The following RABGAP1L variants were observed in gnomAD, a reference collection of about 807,000 sequenced individuals.
RABGAP1L encodes the protein rab GTPase-activating protein 1-like.
Under a neutral mutation model 137.7 loss-of-function variants are expected in RABGAP1L, and 63 were observed. That is an observed-to-expected ratio of 0.46 (90% CI 0.37 to 0.56). The LOEUF (loss-of-function observed/expected upper bound fraction) is 0.56. Among genes scored for constraint, RABGAP1L ranks in the 20% least tolerant of loss-of-function variants. The pLI is 0.00. For missense variants in RABGAP1L, 1,095 were observed against 1,244.0 expected (o/e 0.88, Z 1.80); for synonymous variants, 431 against 433.7 (o/e 0.99, Z 0.08).
At chr1:174,508,006 G>T (rs1661989176) in intron 13 of RABGAP1L, among the ~76,000 whole-genome samples, 1 of 152,006 alleles carries the variant, frequency 6.6e-6, no homozygotes, top group African/African-American at 2.4e-5. Context: ...AGCTTGTTCT[G>T]GTTGATTTTC....
At chr1:174,374,797 C>CTT (rs1265262958) in intron 12 of RABGAP1L, among the ~76,000 whole-genome samples, 1 of 152,092 alleles carries the variant, frequency 6.6e-6, no homozygotes, top group African/African-American at 2.4e-5. Context: ...TGTATGCATG[C>CTT]TTTGTCTTTC....
At chr1:174,767,657 C>A (rs968541873) in intron 18 of RABGAP1L, among the ~76,000 whole-genome samples, 3 of 152,084 alleles carry the variant, frequency 2.0e-5, no homozygotes, top group Non-Finnish European at 2.9e-5. Context: ...ATCTTATAAC[C>A]TGCAACCTTG....
At chr1:174,465,192 G>C (rs749646945) in intron 13 of RABGAP1L, among the ~76,000 whole-genome samples, 5 of 151,982 alleles carry the variant, frequency 3.3e-5, no homozygotes, top group Non-Finnish European at 5.9e-5. Flanking sequence ...CATTCATTCA[G>C]CGAATATTTA....
In RABGAP1L at chr1:174,669,857, T is replaced by G. The variant is rs528290140; in HGVS notation, c.1825-13665T>G. Among the ~76,000 whole-genome samples the G allele has an allele frequency of 1.3e-5, 2 of 152,180 alleles. 1 individual carries two copies. ...GTCTAGCTTTCTGTTTTTATGCCAA[T>G]CCCATGCTGTTTGGGTTACTATAGC... On this transcript the variant is annotated intron_variant, in intron 14 of 25. Coordinates refer to ENST00000681986, the MANE Select transcript of RABGAP1L (RefSeq NM_001366446.1).
intron 15 of RABGAP1L, among the ~76,000 whole-genome samples, chr1:174,687,162 A>G (rs557683692): frequency 1.3e-5 from 2 of 152,266 alleles, no homozygotes; most frequent in South Asian, 2.1e-4. Flanking sequence ...AGAGAAAGAG[A>G]GAGATTCAAA....
intron 13 of RABGAP1L, among the ~76,000 whole-genome samples, chr1:174,422,357 A>T (rs1351348958): frequency 2.0e-5 from 3 of 151,896 alleles, no homozygotes; most frequent in African/African-American, 7.3e-5. Context: ...GATAATAAGG[A>T]TCATCAAGAT....
intron 18 of RABGAP1L, among the ~76,000 whole-genome samples, chr1:174,787,581 G>A (rs1687547394): frequency 6.6e-6 from 1 of 152,088 alleles, no homozygotes; most frequent in South Asian, 2.1e-4. Context: ...GGGCATGAGG[G>A]GTCAAGGTGA....
intron 19 of RABGAP1L, among the ~76,000 whole-genome samples, chr1:174,819,245 GGAGAGAGAGAGATGAGTAAGTACAA>G (rs1221411477): frequency 6.7e-6 from 1 of 148,496 alleles, no homozygotes; most frequent in Admixed American, 6.9e-5. Flanking sequence ...AGTAAGTATG[GGAGAGAGAGAGATGAGTAAGTACAA>G]GAGAGAGAGA....
intron 18 of RABGAP1L, among the ~76,000 whole-genome samples, chr1:174,776,278 G>A (rs1243833608): frequency 6.6e-6 from 1 of 152,148 alleles, no homozygotes; most frequent in African/African-American, 2.4e-5. Flanking sequence ...GGAGGCTGAG[G>A]CAGGAGAATT....
At chr1:174,252,332 C>A in intron 6 of RABGAP1L, 148 bp from the exon 7 acceptor site, 1 of 830,052 alleles carries the variant, frequency 1.2e-6, no homozygotes, top group Non-Finnish European at 1.8e-6. Context: ...TAATAGTTTG[C>A]TGCCTGTGGC....
intron 13 of RABGAP1L, among the ~76,000 whole-genome samples, chr1:174,533,751 A>C (rs542123608): frequency 1.2e-3 from 183 of 151,980 alleles, no homozygotes; most frequent in African/African-American, 4.2e-3. Flanking sequence ...GCTCATTGCA[A>C]CCTCCGCCTC....
intron 13 of RABGAP1L, among the ~76,000 whole-genome samples, chr1:174,602,304 T>A (rs969390840): frequency 2.0e-5 from 3 of 152,168 alleles, no homozygotes; most frequent in African/African-American, 7.2e-5. Flanking sequence ...ACCTCTTAAG[T>A]GGCAGCAGCA....
rs531308533 is a variant in RABGAP1L, at chr1:174,548,706, A to G, written c.1711-88669A>G. 1.2e-4 allele frequency: 39 copies of G among 333,710 alleles called. No homozygotes were observed. The South Asian group carries it at 2.0e-3, about 17-fold the overall frequency. 20.7% of individuals were successfully genotyped at this position (333,710 alleles called of 1,614,324 possible). On this transcript the variant is annotated intron_variant, in intron 13 of 25. Transcript: ENST00000681986. ...ATTTTGGTTGGAAAGTTTAACTGCC[A>G]CTGAAACTTCAGATTCTATATCCTT... is the stretch of plus-strand genomic sequence containing the variant.
chr1:174,787,268 T>C (rs994012660), intron 18 of RABGAP1L, among the ~76,000 whole-genome samples: 1 of 151,662 alleles, frequency 6.6e-6, no homozygotes, highest in Non-Finnish European at 1.5e-5. Context: ...CCGGGCGTGG[T>C]GGTGTGTGCC....
chr1:174,603,596 A>G (rs1248007515), intron 13 of RABGAP1L, among the ~76,000 whole-genome samples: 1 of 151,404 alleles, frequency 6.6e-6, no homozygotes, highest in Admixed American at 6.6e-5. Context: ...AGTCTTTCCC[A>G]CTCTTTTCTC....
In RABGAP1L at chr1:174,887,484, C is replaced by G. The variant is rs564915640; in HGVS notation, c.2341-69973C>G. On this transcript the variant is annotated intron_variant, in intron 19 of 25. Transcript: ENST00000681986. ...TACTGGAAACTTTAAAGTGAATTGG[C>G]ACTCTTTTTTCCCCATCCCTTCCAA... 2.6e-5 allele frequency among the ~76,000 whole-genome samples: 4 copies of G among 152,204 alleles called. No individual in the cohort carries two copies. In the East Asian group the frequency reaches 5.8e-4, roughly 22 times the overall value.
chr1:174,975,618 CT>C (rs999047386), intron 21 of RABGAP1L, among the ~76,000 whole-genome samples: 15 of 152,314 alleles, frequency 9.8e-5, no homozygotes, highest in African/African-American at 3.6e-4. Flanking sequence ...GCTCCCCTCT[CT>C]GAGTCAACCC....
intron 13 of RABGAP1L, among the ~76,000 whole-genome samples, chr1:174,567,446 A>G (rs1368238057): frequency 1.3e-5 from 2 of 152,172 alleles, no homozygotes; most frequent in Non-Finnish European, 2.9e-5. Context: ...AATTTATAAA[A>G]TGGTTTCATA....
chr1:174,314,872 T>G (rs1463207458), intron 11 of RABGAP1L, among the ~76,000 whole-genome samples: 4 of 152,182 alleles, frequency 2.6e-5, no homozygotes, highest in African/African-American at 7.2e-5. Flanking sequence ...TTATTTCAGT[T>G]TTTTTGGAAT....
Sources: allele counts gnomAD v4.1 joint callset (sites outside exome capture counted in the v4.1 genomes callset), GRCh38; gene constraint gnomAD v4.1.1; transcripts MANE v1.5; gene names NCBI Gene and HGNC (gene_info 2026-07-23, HGNC 2026-07-21).